NCSTN: variants seen among roughly 807,000 people sequenced by gnomAD.
The protein encoded by NCSTN is nicastrin.
NCSTN carries 22 observed loss-of-function variants against 87.0 expected under a neutral mutation model. That is an observed-to-expected ratio of 0.25 (90% CI 0.18 to 0.36). The LOEUF (loss-of-function observed/expected upper bound fraction) is 0.36, where lower values mean the gene tolerates loss of function less well. Among genes scored for constraint, NCSTN ranks in the 10% least tolerant of loss-of-function variants. NCSTN has a pLI of 1.00. For synonymous variants in NCSTN, 306 were observed against 327.1 expected (o/e 0.94, Z 0.69); for missense variants, 693 against 883.3 (o/e 0.78, Z 2.73).
chr1:160,356,879 A>G (rs1649157849), intron 15 of NCSTN, 125 bp downstream of exon 15: 1 of 1,426,498 alleles, frequency 7.0e-7, no homozygotes, highest in Non-Finnish European at 9.8e-7. Context: ...AGTCCTCAGC[A>G]ATTGGGTGTT....
chr1:160,353,337 G>T, intron 10 of NCSTN, 100 bp downstream of exon 10: 1 of 1,590,454 alleles, frequency 6.3e-7, no homozygotes, highest in Non-Finnish European at 8.6e-7. Context: ...TGTGAGACAG[G>T]GTAAGAGACA....
intron 10 of NCSTN, chr1:160,353,781 T>C: frequency 1.1e-6 from 1 of 914,170 alleles, no homozygotes; most frequent in South Asian, 5.0e-5. Flanking sequence ...CGCAGTTTTC[T>C]ATTATTATTT....
intron 16 of NCSTN, among the ~76,000 whole-genome samples, chr1:160,357,835 C>T (rs1291654000): frequency 6.6e-6 from 1 of 152,196 alleles, no homozygotes; most frequent in Non-Finnish European, 1.5e-5. Flanking sequence ...ATGAGTCAGT[C>T]TAATGTACCG....
chr1:160,349,681 C>G lies in NCSTN; in HGVS notation c.436+11C>G, dbSNP rs762572484. On this transcript the variant is annotated intron_variant, in intron 4 of 16. Coordinates refer to ENST00000294785, the MANE Select transcript of NCSTN (RefSeq NM_015331.3). ...CAAATGATGGGTTTGGTAAGTGTCC[C>G]AAAGGATCAGGAGAGCCTACTGTCA... 1 of 1,613,418 alleles carries G rather than the reference C, an allele frequency of 6.2e-7. No homozygotes were observed. The highest frequency in any genetic ancestry group is 8.5e-7 in the Non-Finnish European group (1 of 1,179,998).
intron 11 of NCSTN, 67 bp from the exon 12 acceptor site, chr1:160,355,588 T>A (rs1197904320): frequency 1.8e-6 from 2 of 1,142,466 alleles, no homozygotes; most frequent in Non-Finnish European, 2.7e-6. Context: ...ATAAGGAGCA[T>A]TTGAGGGAGG....
At chr1:160,346,346 G>A (rs1188505480) in intron 2 of NCSTN, among the ~76,000 whole-genome samples, 1 of 152,186 alleles carries the variant, frequency 6.6e-6, no homozygotes, top group African/African-American at 2.4e-5. Context: ...CCTCTTAATA[G>A]TTGTTTATTG....
rs763854355 is a variant in NCSTN at position 160,351,279 on chromosome 1, G to A, written c.640G>A (p.Ala214Thr). The change falls in exon 6 of 17, where the codon GCC becomes ACC. Residue 214 changes from alanine to threonine, a missense_variant. Ala to Thr is a moderately conservative substitution (Grantham distance 58). Transcript: ENST00000294785. ...NGSAPTFPLC[A>T]MQLFSHMHAV... The stretch of plus-strand genomic sequence containing the variant: ...CTCAGCACCAACCTTCCCACTATGT[G>A]CCATGCAGCTCTTTTCACACATGCA... 1 of 1,614,166 alleles carries A rather than the reference G, an allele frequency of 6.2e-7. No individual in the cohort carries two copies. The highest frequency in any genetic ancestry group is 2.2e-5 in the East Asian group (1 of 44,884).
At chr1:160,348,956 G>A in intron 2 of NCSTN, 43 bp from the exon 3 acceptor site, 1 of 1,613,888 alleles carries the variant, frequency 6.2e-7, no homozygotes, top group Non-Finnish European at 8.5e-7. Context: ...AGTCAGAATT[G>A]TTAACTATGG....
At chr1:160,351,467 G>A (rs566633419) in intron 6 of NCSTN, 95 bp downstream of exon 6, 6 of 1,460,606 alleles carry the variant, frequency 4.1e-6, no homozygotes, top group East Asian at 2.3e-5. Context: ...AATAGGGAAG[G>A]AGTAGACACC....
chr1:160,343,974 T>TTTTC (rs2101887893), intron 1 of NCSTN: 1 of 272,588 alleles, frequency 3.7e-6, no homozygotes, highest in African/African-American at 2.4e-5. Context: ...TTTTTTTTTT[T>TTTTC]TTAATCAGTA....
At chr1:160,343,609 C>A (rs1050002518) in intron 1 of NCSTN, 128 bp downstream of exon 1, 2 of 931,362 alleles carry the variant, frequency 2.1e-6, no homozygotes, top group African/African-American at 3.3e-5. Flanking sequence ...AATCCTCTTT[C>A]TTTTTCGTTC....
In NCSTN at chr1:160,353,207, T is replaced by G; in HGVS notation, c.1149T>G (p.Val383=). 1 of 1,614,156 alleles carries G rather than the reference T, an allele frequency of 6.2e-7. No individual in the cohort carries two copies. Among genetic ancestry groups the G allele is most frequent in the Non-Finnish European group, 8.5e-7 (1 of 1,180,022 alleles). The change falls in exon 10 of 17, where the codon GTT becomes GTG. Residue 383 remains valine, a synonymous_variant. Transcript: ENST00000294785. ...AGCTTTGGATGCACACAGATCCTGTTTCTCAGAAAAATGAGTCTGTACGGA... is the reference window on the plus strand; with the variant it reads ...AGCTTTGGATGCACACAGATCCTGTGTCTCAGAAAAATGAGTCTGTACGGA... The part of the protein sequence containing the change: ...SLELWMHTDP[V]SQKNESVRNQ...
intron 10 of NCSTN, chr1:160,353,752 A>T: frequency 1.0e-6 from 1 of 976,924 alleles, no homozygotes; most frequent in Non-Finnish European, 1.2e-6. Flanking sequence ...AGAATTGGTT[A>T]TCTGTTTGGC....
At chr1:160,348,840 G>A (rs1648668611) in intron 2 of NCSTN, among the ~76,000 whole-genome samples, 159 bp from the exon 3 acceptor site, 1 of 152,204 alleles carries the variant, frequency 6.6e-6, no homozygotes, top group African/African-American at 2.4e-5. Flanking sequence ...CCTTCAGATG[G>A]AGCTGGGGCA....
chr1:160,357,013 C>T (rs201991240), intron 15 of NCSTN, 28 bp from the exon 16 acceptor site: 46 of 1,581,652 alleles, frequency 2.9e-5, no homozygotes, highest in Non-Finnish European at 3.7e-5. Flanking sequence ...TCACCCTAGC[C>T]GTGTGTTGTG....
At chr1:160,349,298 G>A (rs553633396) in intron 3 of NCSTN, among the ~76,000 whole-genome samples, 176 bp downstream of exon 3, 2 of 152,206 alleles carry the variant, frequency 1.3e-5, no homozygotes, top group African/African-American at 4.8e-5. Context: ...TGAGCTTAGG[G>A]CTAAATTTCA....
Position 160,354,172 on chromosome 1 carries a change from A to G in NCSTN, c.1234A>G (p.Ile412Val), listed in dbSNP as rs1409675674. Residue 412 changes from isoleucine (I) to valine (V), a missense_variant, in exon 11 of 17, where the codon ATC becomes GTC. This residue lies in a region of NCSTN where 108 missense variants were observed against 111.6 expected (regional missense o/e 0.97). Coordinates refer to ENST00000294785, the MANE Select transcript of NCSTN (RefSeq NM_015331.3). ...GAGTGGTGCTGGTGTCCCTGCTGTC[A>G]TCCTCAGGAGGCCAAATCAGTCCCA... ...EKSGAGVPAV[I>V]LRRPNQSQPL... 1.9e-6 allele frequency: 3 copies of G among 1,613,982 alleles called. No individual in the cohort carries two copies. Among genetic ancestry groups the G allele is most frequent in the Non-Finnish European group, 2.5e-6 (3 of 1,180,018 alleles).
chr1:160,343,954 GTT>G (rs35301624), intron 1 of NCSTN: 5,429 of 151,874 alleles, frequency 0.036, 62 homozygotes, highest in South Asian at 0.071. Flanking sequence ...CTTGCCTCAG[GTT>G]TTTTTTTTTT....
Position 160,357,213 on chromosome 1 carries a change from T to C in NCSTN, c.1967T>C (p.Ile656Thr), listed in dbSNP as rs200406795. The part of the protein sequence containing the change: ...STWTESRWKD[I>T]RARIFLIASK... Reference sequence around the variant, plus strand: ...TGGACTGAGAGCCGCTGGAAAGATATCCGTGCCCGGATATTTCTCATCGCC... The same window carrying C: ...TGGACTGAGAGCCGCTGGAAAGATACCCGTGCCCGGATATTTCTCATCGCC... The change falls in exon 16 of 17, where the codon ATC (isoleucine) becomes ACC (threonine). Residue 656 changes from isoleucine (I) to threonine (T), a missense_variant. Physicochemically the swap from Ile to Thr is moderately conservative, Grantham distance 89. Around this residue, in one of 4 missense-constraint regions of NCSTN, gnomAD observed 216 missense variants for 311.7 expected, o/e 0.69. Transcript: ENST00000294785. 2.0e-5 allele frequency: 32 copies of C among 1,614,018 alleles called. No homozygotes were observed. Among genetic ancestry groups the C allele is most frequent in the Non-Finnish European group, 2.6e-5 (31 of 1,180,032 alleles).
Sources: gnomAD v4.1 joint callset for allele counts (sites outside exome capture counted in the v4.1 genomes callset) on GRCh38, gnomAD v4.1.1 for gene constraint, gnomAD v4.1.1 regional missense constraint, MANE v1.5 for transcripts, NCBI Gene and HGNC (gene_info 2026-07-23, HGNC 2026-07-21) for gene names.